The following WNT3 variants were observed in gnomAD, a reference collection of about 807,000 sequenced individuals.
WNT3 encodes proto-oncogene Wnt-3.
WNT3 carries 7 observed loss-of-function variants against 34.2 expected under a neutral mutation model. The ratio of observed to expected loss-of-function variants is 0.20; its 90% CI spans 0.12 to 0.38. The LOEUF is 0.38. Among genes scored for constraint, WNT3 ranks in the 10% least tolerant of loss-of-function variants. WNT3 has a pLI of 1.00. For missense variants in WNT3, 267 were observed against 499.8 expected, an observed-to-expected ratio of 0.53 and a Z score of 4.44; for synonymous variants, 212 against 211.5, an observed-to-expected ratio of 1.00 and a Z score of -0.02.
chr17:46,785,847 A>G (rs2059499935), intron 1 of WNT3, among the ~76,000 whole-genome samples: 1 of 142,646 alleles, frequency 7.0e-6, no homozygotes, highest in African/African-American at 2.5e-5. Context: ...AGAAAAGGGA[A>G]GGGAGGGAAG....
intron 4 of WNT3, among the ~76,000 whole-genome samples, chr17:46,766,651 G>A (rs962365491): frequency 3.9e-5 from 6 of 152,164 alleles, no homozygotes; most frequent in Admixed American, 3.3e-4. Flanking sequence ...TAGATGGGCT[G>A]AGTGAGTCGC....
chr17:46,773,508 A>G (rs1470222588), intron 2 of WNT3, among the ~76,000 whole-genome samples, 160 bp downstream of exon 2: 1 of 152,024 alleles, frequency 6.6e-6, no homozygotes, highest in Non-Finnish European at 1.5e-5. Flanking sequence ...AGCCCCCAGC[A>G]GCGCCTGGGA....
intron 1 of WNT3, among the ~76,000 whole-genome samples, chr17:46,795,712 G>T (rs145584410): frequency 4.6e-5 from 7 of 152,296 alleles, no homozygotes; most frequent in African/African-American, 1.4e-4. Context: ...ACTCACAAAC[G>T]ATTCTGCCGC....
At chr17:46,774,469 C>T (rs1239734525) in intron 1 of WNT3, among the ~76,000 whole-genome samples, 3 of 152,254 alleles carry the variant, frequency 2.0e-5, no homozygotes, top group Non-Finnish European at 4.4e-5. Context: ...TGGCTTGCAC[C>T]AAGTCCTTTG....
In WNT3 at chr17:46,818,650, A is replaced by T. The variant is rs886053074; in HGVS notation, c.-53T>A. On this transcript the variant is annotated 5_prime_UTR_variant, in exon 1 of 5. Transcript: ENST00000225512. The stretch of plus-strand genomic sequence containing the variant: ...CCCGCGACCATGAAGAGGGGGAGCG[A>T]CGCCCCCAATAGTTGGAACAAAGTC... 3.4e-6 allele frequency: 5 copies of T among 1,479,212 alleles called. 1 individual carries two copies. The East Asian group carries it at 9.6e-5, about 28-fold the overall frequency. The allele number at this position is 1,479,212 out of a possible 1,614,324, so 91.6% of individuals were successfully genotyped here.
At chr17:46,799,406 C>T (rs1348930596) in intron 1 of WNT3, among the ~76,000 whole-genome samples, 1 of 150,252 alleles carries the variant, frequency 6.7e-6, no homozygotes, top group African/African-American at 2.5e-5. Flanking sequence ...TGTAGAACAT[C>T]TTTAATGATT....
intron 3 of WNT3, 72 bp downstream of exon 3, chr17:46,769,711 G>A: frequency 6.3e-7 from 1 of 1,584,720 alleles, no homozygotes; most frequent in Non-Finnish European, 8.5e-7. Context: ...GGTGAGGTGG[G>A]GGCCAGGGCA....
At chr17:46,818,391 T>TC in intron 1 of WNT3, 127 bp downstream of exon 1, 12 of 726,132 alleles carry the variant, frequency 1.7e-5, no homozygotes, top group Non-Finnish European at 2.5e-5. Context: ...GGTGGGCGGG[T>TC]GGGGGGCTGG....
At chr17:46,815,928 T>C (rs67746309) in intron 1 of WNT3, among the ~76,000 whole-genome samples, 6,877 of 152,166 alleles carry the variant, frequency 0.045, 319 homozygotes, top group East Asian at 0.24. Context: ...CACACAGCCC[T>C]GGGCCCAGCA....
rs1384823983 is a variant in WNT3 at position 46,768,562 on chromosome 17, A to T, written c.826T>A (p.Tyr276Asn). ...CAAAAGTTGGGGGAGTTCTCGTAGT[A>T]GACCAGGTCCCTCTCCGTGGGTGGC... ...FKPPTERDLV[Y>N]YENSPNFCEP... Residue 276 changes from tyrosine (Y) to asparagine (N), a missense_variant, in exon 4 of 5, where the codon TAC (tyrosine) becomes AAC (asparagine). Around this residue, in one of 3 missense-constraint regions of WNT3, gnomAD observed 181 missense variants for 391.3 expected, o/e 0.46. Transcript: ENST00000225512. The surrounding 1 kb of genome is among the most constrained non-coding windows in gnomAD (Gnocchi z 5.0). 1 of 1,614,224 alleles carries T rather than the reference A, an allele frequency of 6.2e-7. No homozygotes were observed. The highest frequency in any genetic ancestry group is 8.5e-7 in the Non-Finnish European group (1 of 1,180,054).
At chr17:46,789,936 A>C (rs2083959583) in intron 1 of WNT3, among the ~76,000 whole-genome samples, 2 of 152,176 alleles carry the variant, frequency 1.3e-5, no homozygotes, top group Admixed American at 6.5e-5. Flanking sequence ...CATTCCCAGG[A>C]GGGCTTCTTT....
intron 1 of WNT3, among the ~76,000 whole-genome samples, chr17:46,798,130 T>C (rs2146437277): frequency 6.6e-6 from 1 of 152,324 alleles, no homozygotes; most frequent in South Asian, 2.1e-4. Flanking sequence ...GGCTTCACCA[T>C]GTTGGCCAGG....
chr17:46,765,003 CTG>C (rs992499376), intron 4 of WNT3, among the ~76,000 whole-genome samples: 5 of 152,254 alleles, frequency 3.3e-5, no homozygotes, highest in African/African-American at 9.6e-5. Context: ...CAGGCATGCA[CTG>C]TGTTTTTGTA....
chr17:46,768,274 C>A lies in WNT3; in HGVS notation c.*8+38G>T. On this transcript the variant is annotated intron_variant, in intron 4 of 4. Transcript: ENST00000225512. The surrounding 1 kb of genome is among the most constrained non-coding windows in gnomAD (Gnocchi z 5.0). ...GGCAAACAACCCCATTCCCTGCGCC[C>A]AGGCTCCCAGCCTCCCCCCTGCTTC... 3 of 1,611,758 alleles carry A rather than the reference C, an allele frequency of 1.9e-6. No homozygotes were observed. The highest frequency in any genetic ancestry group is 2.5e-6 in the Non-Finnish European group (3 of 1,179,972).
At chr17:46,811,865 G>A (rs1242768630) in intron 1 of WNT3, among the ~76,000 whole-genome samples, 1 of 152,208 alleles carries the variant, frequency 6.6e-6, no homozygotes. Context: ...GCTGAGGCAG[G>A]AGAATTGCTT....
intron 2 of WNT3, 45 bp downstream of exon 2, chr17:46,773,623 T>A: frequency 2.6e-6 from 1 of 383,490 alleles, no homozygotes; most frequent in Non-Finnish European, 5.2e-6. Context: ...TCCTGATCCC[T>A]CCCCCCACCC....
chr17:46,770,331 C>T (rs965496507), intron 2 of WNT3, among the ~76,000 whole-genome samples: 4 of 152,206 alleles, frequency 2.6e-5, no homozygotes, highest in Non-Finnish European at 5.9e-5. Flanking sequence ...AAACAGGCGC[C>T]GACACCAAAC....
At chr17:46,783,647 G>T (rs2059480063) in intron 1 of WNT3, among the ~76,000 whole-genome samples, 1 of 152,302 alleles carries the variant, frequency 6.6e-6, no homozygotes, top group South Asian at 2.1e-4. Flanking sequence ...CGGTCAGGGC[G>T]AGCGATCTCT....
chr17:46,779,337 GC>G (rs1268142092), intron 1 of WNT3, among the ~76,000 whole-genome samples: 1 of 152,204 alleles, frequency 6.6e-6, no homozygotes. Context: ...ATAGAGACCT[GC>G]CTGGCACTGA....
Sources: gnomAD v4.1 joint callset for allele counts (sites outside exome capture counted in the v4.1 genomes callset) on GRCh38, gnomAD v4.1.1 for gene constraint, gnomAD v4.1.1 regional missense constraint, Gnocchi (gnomAD v3.1) non-coding constraint, MANE v1.5 for transcripts, NCBI Gene and HGNC (gene_info 2026-07-23, HGNC 2026-07-21) for gene names.